SPEN: variants seen among roughly 807,000 people sequenced by gnomAD.
The protein encoded by SPEN is msx2-interacting protein.
SPEN carries 18 observed loss-of-function variants against 269.9 expected under a neutral mutation model. That is an observed-to-expected ratio of 0.07 (90% CI 0.05 to 0.10). SPEN has a LOEUF of 0.10. Among genes scored for constraint, SPEN ranks in the 10% least tolerant of loss-of-function variants. The probability of loss-of-function intolerance (pLI) is 1.00; values close to 1 mark genes in which losing one functional copy is unlikely to be tolerated. For missense variants in SPEN, 3,822 were observed against 4,631.2 expected, an observed-to-expected ratio of 0.83 and a Z score of 5.07; for synonymous variants, 1,726 against 1,765.7, an observed-to-expected ratio of 0.98 and a Z score of 0.56.
chr1:15,932,367 C>A lies in SPEN; in HGVS notation c.6127C>A (p.Arg2043Ser). 6.2e-7 allele frequency: 1 copy of A among 1,614,066 alleles called. No homozygotes were observed. Among genetic ancestry groups the A allele is most frequent in the Non-Finnish European group, 8.5e-7 (1 of 1,180,020 alleles). ...AEEEAGSEQK[R>S]DRKDAGTDKN... ...GGAGGAGGCAGGGAGTGAACAGAAACGTGACAGAAAAGATGCTGGCACAGA... is the reference window on the plus strand; with the variant it reads ...GGAGGAGGCAGGGAGTGAACAGAAAAGTGACAGAAAAGATGCTGGCACAGA... Residue 2043 changes from arginine to serine, a missense_variant, in exon 11 of 15, where the codon CGT becomes AGT. Coordinates refer to ENST00000375759, the MANE Select transcript of SPEN (RefSeq NM_015001.3). The surrounding 1 kb of genome is among the most constrained non-coding windows in gnomAD (Gnocchi z 4.2).
At chr1:15,906,819 T>G (rs1432129598) in intron 3 of SPEN, among the ~76,000 whole-genome samples, 1 of 142,124 alleles carries the variant, frequency 7.0e-6, no homozygotes, top group African/African-American at 2.7e-5. Flanking sequence ...CTCTGTTGCC[T>G]AGGCTGGAGT....
chr1:15,863,935 A>G (rs529003720), intron 1 of SPEN, among the ~76,000 whole-genome samples: 39 of 152,330 alleles, frequency 2.6e-4, no homozygotes, highest in East Asian at 7.7e-4. Flanking sequence ...TCGATGACCA[A>G]TGAATAGATA....
At chr1:15,900,764 T>C (rs986867864) in intron 3 of SPEN, among the ~76,000 whole-genome samples, 12 of 152,160 alleles carry the variant, frequency 7.9e-5, no homozygotes, top group African/African-American at 2.9e-4. Flanking sequence ...CAAGAAATAA[T>C]ACAGGCCAGG....
Position 15,916,282 on chromosome 1 carries a change from A to C in SPEN, c.1395+3A>C. ...TCCAGCGCTTTGGAGAAATTGTGGT[A>C]TGTTGCTTTTACTATGTAAACAATT... is the stretch of plus-strand genomic sequence containing the variant. On this transcript the variant is annotated splice_donor_region_variant and intron_variant, in intron 6 of 14. Transcript: ENST00000375759. The C allele has an allele frequency of 1.2e-6, 2 of 1,610,628 alleles. No homozygotes were observed. Among genetic ancestry groups the C allele is most frequent in the Admixed American group, 1.7e-5 (1 of 58,978 alleles).
rs1359475149 is a variant in SPEN at position 15,873,097 on chromosome 1, T to G, written c.365T>G (p.Leu122Arg). 2.5e-6 allele frequency: 4 copies of G among 1,613,898 alleles called. No individual in the cohort carries two copies. ...CCTGCTTATGGTCCCCCACCGTCAC[T>G]TCATGCACGAGAAGGACGTTATGAG... ...GGPAYGPPPS[L>R]HAREGRYERR... Residue 122 changes from leucine to arginine, a missense_variant, in exon 2 of 15, where the codon CTT becomes CGT. Transcript: ENST00000375759.
In SPEN at chr1:15,932,740, A is replaced by C; in HGVS notation, c.6500A>C (p.Lys2167Thr). Residue 2167 changes from lysine to threonine, a missense_variant, in exon 11 of 15, where the codon AAG (lysine) becomes ACG (threonine). By Grantham distance (78) the Lys-to-Thr change is moderately conservative. Transcript: ENST00000375759. This position sits in a 1 kb window ranked among gnomAD's most constrained non-coding sequence, Gnocchi z 4.2. ...TCCCCAGAAGCCACCCAGTTAGCCA[A>C]GCAGATGGAGCTGGAGCAGGCCGTG... ...GPSPEATQLA[K>T]QMELEQAVEH... The C allele has an allele frequency of 6.2e-7, 1 of 1,614,200 alleles. No homozygotes were observed. The highest frequency in any genetic ancestry group is 8.5e-7 in the Non-Finnish European group (1 of 1,180,032).
intron 3 of SPEN, among the ~76,000 whole-genome samples, chr1:15,879,012 AAAAAAAAAAAAAG>A (rs1178828200): frequency 6.7e-6 from 1 of 150,016 alleles, no homozygotes; most frequent in Non-Finnish European, 1.5e-5. Context: ...CTCAAAAAAA[AAAAAAAAAAAAAG>A]AAAAGAAAAG....
At chr1:15,918,337 G>T (rs2071085811) in intron 6 of SPEN, among the ~76,000 whole-genome samples, 1 of 152,236 alleles carries the variant, frequency 6.6e-6, no homozygotes, top group Non-Finnish European at 1.5e-5. Flanking sequence ...TCTTGCCTCA[G>T]CCTTCAGAAT....
chr1:15,881,209 A>G (rs2070684187), intron 3 of SPEN, among the ~76,000 whole-genome samples: 2 of 152,168 alleles, frequency 1.3e-5, no homozygotes, highest in African/African-American at 4.8e-5. Context: ...GCTTCAAGCG[A>G]TCTTCCCTCC....
chr1:15,934,546 C>T lies in SPEN; in HGVS notation c.8306C>T (p.Pro2769Leu), dbSNP rs774958565. Residue 2769 changes from proline (P) to leucine (L), a missense_variant, in exon 11 of 15, where the codon CCG (proline) becomes CTG (leucine). Around this residue, in one of 16 missense-constraint regions of SPEN, gnomAD observed 329 missense variants for 431.2 expected, o/e 0.76. Coordinates refer to ENST00000375759, the MANE Select transcript of SPEN (RefSeq NM_015001.3). The surrounding 1 kb of genome is among the most constrained non-coding windows in gnomAD (Gnocchi z 9.2). ...ACAATGGCAGGGGCAGTGATTGCGC[C>T]GTCAACAAAGTGCAAACAGAGAGCG... ...TVTMAGAVIA[P>L]STKCKQRASA... The T allele has an allele frequency of 9.3e-6, 15 of 1,613,952 alleles. No homozygotes were observed. The highest frequency in any genetic ancestry group is 1.7e-5 in the Admixed American group (1 of 60,004).
At chr1:15,938,609 A>T in intron 13 of SPEN, 109 bp from the exon 14 acceptor site, 1 of 661,358 alleles carries the variant, frequency 1.5e-6, no homozygotes, top group Non-Finnish European at 2.2e-6. Context: ...GGTAGCCTTT[A>T]AAGTCATCTC....
Position 15,911,183 on chromosome 1 carries a change from A to G in SPEN, c.1125A>G (p.Glu375=), listed in dbSNP as rs1376190367. The G allele has an allele frequency of 1.9e-6, 3 of 1,614,214 alleles. No individual in the cohort carries two copies. Among genetic ancestry groups the G allele is most frequent in the Non-Finnish European group, 2.5e-6 (3 of 1,180,026 alleles). The change falls in exon 5 of 15, where the codon GAA becomes GAG. Residue 375 remains glutamate, a synonymous_variant. Transcript: ENST00000375759. Reference sequence around the variant, plus strand: ...CAGTGCAGATACATGGAACTTCAGAAGAGAGGTATGGTCTGGTATTCTTTC... The same window carrying G: ...CAGTGCAGATACATGGAACTTCAGAGGAGAGGTATGGTCTGGTATTCTTTC... ...VTSVQIHGTS[E]ERYGLVFFRQ... is the part of the protein sequence containing the mutation.
intron 5 of SPEN, among the ~76,000 whole-genome samples, chr1:15,913,221 A>T (rs1350752586): frequency 6.6e-6 from 1 of 152,174 alleles, no homozygotes; most frequent in Non-Finnish European, 1.5e-5. Context: ...AAGAAACCTA[A>T]CTTTGCATAT....
chr1:15,927,040 A>G (rs1198143208), intron 10 of SPEN, among the ~76,000 whole-genome samples: 2 of 152,358 alleles, frequency 1.3e-5, no homozygotes, highest in Admixed American at 1.3e-4. Flanking sequence ...GTTACCTAGA[A>G]TGAGCCAGGT....
At chr1:15,916,908 C>T (rs1003609612) in intron 6 of SPEN, among the ~76,000 whole-genome samples, 3 of 152,154 alleles carry the variant, frequency 2.0e-5, no homozygotes, top group Non-Finnish European at 4.4e-5. Flanking sequence ...GGGCAGATCA[C>T]TTTGAGCTCA....
Position 15,933,502 on chromosome 1 carries a change from C to T in SPEN, c.7262C>T (p.Thr2421Ile), listed in dbSNP as rs1333768300. Residue 2421 changes from threonine (T) to isoleucine (I), a missense_variant, in exon 11 of 15, where the codon ACT becomes ATT. Physicochemically the swap from Thr to Ile is moderately conservative, Grantham distance 89. This residue lies in a region of SPEN where 727 missense variants were observed against 737.9 expected (regional missense o/e 0.99). Coordinates refer to ENST00000375759, the MANE Select transcript of SPEN (RefSeq NM_015001.3). The surrounding 1 kb of genome is among the most constrained non-coding windows in gnomAD (Gnocchi z 5.7). ...SSQEISVEER[T>I]PTKASVPPDL... is the part of the protein sequence containing the mutation. ...CAAGAAATCAGTGTTGAGGAAAGGA[C>T]TCCAACCAAAGCATCTGTGCCCCCA... The T allele has an allele frequency of 6.2e-7, 1 of 1,614,072 alleles. No individual in the cohort carries two copies. The highest frequency in any genetic ancestry group is 8.5e-7 in the Non-Finnish European group (1 of 1,179,978).
chr1:15,871,096 G>A (rs1298704538), intron 1 of SPEN, among the ~76,000 whole-genome samples: 1 of 152,042 alleles, frequency 6.6e-6, no homozygotes, highest in Non-Finnish European at 1.5e-5. Context: ...AGCCTCCTGA[G>A]TAGCTGGGAT....
chr1:15,862,405 G>A (rs1192363799), intron 1 of SPEN, among the ~76,000 whole-genome samples: 1 of 152,110 alleles, frequency 6.6e-6, no homozygotes, highest in Admixed American at 6.6e-5. Flanking sequence ...TGGTCATCGT[G>A]ATTATTTATA....
At chr1:15,879,762 C>T (rs1290303344) in intron 3 of SPEN, among the ~76,000 whole-genome samples, 1 of 151,932 alleles carries the variant, frequency 6.6e-6, no homozygotes, top group African/African-American at 2.4e-5. Flanking sequence ...GCTCCACCTC[C>T]CGGGTTCACG....
Sources: gnomAD v4.1 joint callset for allele counts (sites outside exome capture counted in the v4.1 genomes callset) on GRCh38, gnomAD v4.1.1 for gene constraint, gnomAD v4.1.1 regional missense constraint, Gnocchi (gnomAD v3.1) non-coding constraint, MANE v1.5 for transcripts, NCBI Gene and HGNC (gene_info 2026-07-23, HGNC 2026-07-21) for gene names.